The following CDH13 variants were observed in gnomAD, a reference collection of about 807,000 sequenced individuals.
The protein encoded by CDH13 is cadherin-13.
CDH13 carries 24 observed loss-of-function variants against 63.8 expected under a neutral mutation model. The observed-to-expected ratio is 0.38, with a 90% CI of 0.27 to 0.53. CDH13 has a LOEUF of 0.53. Among genes scored for constraint, CDH13 ranks in the 20% least tolerant of loss-of-function variants. The pLI is 0.85. For missense variants in CDH13, 1,049 were observed against 903.1 expected, an observed-to-expected ratio of 1.16 and a Z score of -2.07; for synonymous variants, 503 against 355.3, an observed-to-expected ratio of 1.42 and a Z score of -4.67.
intron 4 of CDH13, among the ~76,000 whole-genome samples, chr16:83,131,556 G>A (rs1002881182): frequency 6.6e-6 from 1 of 152,086 alleles, no homozygotes; most frequent in Non-Finnish European, 1.5e-5. Context: ...CTAATTGATT[G>A]CATCTTTAAA....
intron 6 of CDH13, among the ~76,000 whole-genome samples, chr16:83,448,078 A>G (rs935075414): frequency 3.3e-5 from 5 of 152,292 alleles, no homozygotes; most frequent in African/African-American, 9.6e-5. Context: ...GATAGGGGTA[A>G]ATATGGTCCC....
intron 2 of CDH13, among the ~76,000 whole-genome samples, chr16:82,924,668 G>A (rs951931071): frequency 1.7e-4 from 26 of 152,146 alleles, no homozygotes; most frequent in South Asian, 4.1e-4. Context: ...GTGAGTTACC[G>A]TTATCAATCT....
At chr16:82,930,625 C>A (rs1011601622) in intron 2 of CDH13, among the ~76,000 whole-genome samples, 2 of 152,016 alleles carry the variant, frequency 1.3e-5, no homozygotes, top group East Asian at 3.8e-4. Context: ...TCTTTGCAGT[C>A]GAGGTTTGTA....
At chr16:83,645,563 AT>A (rs1434015911) in intron 8 of CDH13, among the ~76,000 whole-genome samples, 31 of 150,532 alleles carry the variant, frequency 2.1e-4, no homozygotes, top group Non-Finnish European at 3.7e-4. Flanking sequence ...AAATAAAATA[AT>A]TTTTTTAAAG....
intron 3 of CDH13, among the ~76,000 whole-genome samples, chr16:83,050,393 C>A (rs369512988): frequency 8.5e-5 from 13 of 152,164 alleles, no homozygotes; most frequent in African/African-American, 3.1e-4. Flanking sequence ...GCAGCTGAAC[C>A]ACTTTAATTC....
intron 2 of CDH13, among the ~76,000 whole-genome samples, chr16:82,928,955 A>C (rs758838107): frequency 1.1e-4 from 16 of 152,182 alleles, no homozygotes; most frequent in Non-Finnish European, 2.2e-4. Context: ...GTCTAGGTTC[A>C]ATATTACCAA....
intron 11 of CDH13, among the ~76,000 whole-genome samples, chr16:83,768,952 A>G (rs983900140): frequency 1.3e-5 from 2 of 152,192 alleles, no homozygotes; most frequent in African/African-American, 4.8e-5. Context: ...GCAGCCCAGT[A>G]GGTCTCATCC....
intron 1 of CDH13, among the ~76,000 whole-genome samples, chr16:82,680,103 C>G (rs539652799): frequency 6.6e-6 from 1 of 152,310 alleles, no homozygotes; most frequent in Admixed American, 6.5e-5. Flanking sequence ...TGGTGCCAGT[C>G]TTCCAGCGTA....
chr16:82,761,308 A>T (rs2034847438), intron 1 of CDH13, among the ~76,000 whole-genome samples: 1 of 152,016 alleles, frequency 6.6e-6, no homozygotes, highest in South Asian at 2.1e-4. Context: ...GTGAGCCGCC[A>T]TGCCCGGCAC....
intron 3 of CDH13, among the ~76,000 whole-genome samples, chr16:83,035,373 G>A (rs1916754740): frequency 6.6e-6 from 1 of 152,116 alleles, no homozygotes; most frequent in African/African-American, 2.4e-5. Context: ...GAGGTCAAGG[G>A]GAGCTGGGCT....
intron 1 of CDH13, among the ~76,000 whole-genome samples, chr16:82,810,826 T>A (rs768977608): frequency 2.0e-5 from 3 of 151,912 alleles, no homozygotes; most frequent in Non-Finnish European, 4.4e-5. Context: ...TTTGCTTTCA[T>A]CCTAAGAAGA....
intron 2 of CDH13, among the ~76,000 whole-genome samples, chr16:82,924,499 G>T (rs1019399726): frequency 6.6e-6 from 1 of 152,182 alleles, no homozygotes; most frequent in Non-Finnish European, 1.5e-5. Flanking sequence ...CGGTGCATTT[G>T]TGGCTTTTAT....
chr16:83,671,274 AGTCTC>A (rs1914477896), intron 9 of CDH13, among the ~76,000 whole-genome samples: 1 of 152,184 alleles, frequency 6.6e-6, no homozygotes, highest in Non-Finnish European at 1.5e-5. Flanking sequence ...TTTTTGAGAC[AGTCTC>A]ACTCTGTCAC....
intron 3 of CDH13, among the ~76,000 whole-genome samples, chr16:83,079,935 G>C (rs2033119225): frequency 6.6e-6 from 1 of 152,176 alleles, no homozygotes; most frequent in Non-Finnish European, 1.5e-5. Flanking sequence ...AATGTCAACT[G>C]GATAAAGTTG....
chr16:83,722,625 G>C (rs1049259211), intron 10 of CDH13, among the ~76,000 whole-genome samples: 1 of 152,198 alleles, frequency 6.6e-6, no homozygotes, highest in Admixed American at 6.5e-5. Flanking sequence ...AATCAAATGA[G>C]AGAAGTCTAA....
At chr16:82,979,011 A>G (rs888541170) in intron 2 of CDH13, among the ~76,000 whole-genome samples, 3 of 152,228 alleles carry the variant, frequency 2.0e-5, no homozygotes, top group Non-Finnish European at 4.4e-5. Context: ...GCCCACCTCT[A>G]GCATCATCAT....
intron 5 of CDH13, among the ~76,000 whole-genome samples, chr16:83,329,466 A>G (rs1422308317): frequency 6.6e-6 from 1 of 150,832 alleles, no homozygotes; most frequent in Non-Finnish European, 1.5e-5. Context: ...CGAACTCCTG[A>G]CCTCAGGTGA....
chr16:83,591,905 G>C (rs1335713030), intron 7 of CDH13, among the ~76,000 whole-genome samples: 2 of 152,156 alleles, frequency 1.3e-5, no homozygotes, highest in African/African-American at 4.8e-5. Flanking sequence ...ATAGAGTTTA[G>C]GGATTAAAGG....
chr16:82,846,694 T>TTTCCTTCTAGATAA (rs2039271424), intron 1 of CDH13, among the ~76,000 whole-genome samples: 1 of 152,240 alleles, frequency 6.6e-6, no homozygotes, highest in Non-Finnish European at 1.5e-5. Context: ...TGTGTCTGTC[T>TTTCCTTCTAGATAA]TTCCTTCTAG....
Sources: allele counts gnomAD v4.1 joint callset (sites outside exome capture counted in the v4.1 genomes callset), GRCh38; gene constraint gnomAD v4.1.1; transcripts MANE v1.5; gene names NCBI Gene and HGNC (gene_info 2026-07-23, HGNC 2026-07-21).